The following ZNF506 variants were observed in gnomAD, a reference collection of about 807,000 sequenced individuals.
ZNF506 encodes zinc finger protein 506.
A neutral mutation model predicts 11.6 loss-of-function variants in ZNF506; 10 were observed. The ratio of observed to expected loss-of-function variants is 0.86; its 90% confidence interval spans 0.53 to 1.46. ZNF506 has a LOEUF of 1.46. Among genes scored for constraint, ZNF506 ranks in the 40% most tolerant of loss-of-function variants. The pLI, the probability that ZNF506 is intolerant of heterozygous loss-of-function variation, is 0.00. For missense variants in ZNF506, 425 were observed against 521.2 expected (o/e 0.82, Z 1.80); for synonymous variants, 156 against 173.3 (o/e 0.90, Z 0.78).
In ZNF506 at chr19:19,800,391, A is replaced by AATATATAT. The variant is rs3062863; in HGVS notation, c.227-4739_227-4732dup. Among the ~76,000 whole-genome samples the AATATATAT allele has an allele frequency of 2.1e-4, 29 of 139,238 alleles. 1 individual carries two copies. Among genetic ancestry groups the AATATATAT allele is most frequent in the Admixed American group, 8.1e-4 (11 of 13,630 alleles). 91.3% of individuals were successfully genotyped at this position (139,238 alleles called of 152,430 possible). Reference sequence around the variant, plus strand: ...CAACATAATTAATATAACTAAACAGAATATATATATATATATATATATTTA... The same window carrying AATATATAT: ...CAACATAATTAATATAACTAAACAGAATATATATATATATATATATATATATATATTTA... On this transcript the variant is annotated intron_variant, in intron 3 of 3. Coordinates refer to ENST00000540806, the MANE Select transcript of ZNF506 (RefSeq NM_001099269.3).
chr19:19,812,388 A>AT (rs1334264865), intron 1 of ZNF506, among the ~76,000 whole-genome samples: 3 of 152,262 alleles, frequency 2.0e-5, no homozygotes, highest in African/African-American at 7.2e-5. Flanking sequence ...CACAACCTGG[A>AT]TCACCCATTC....
chr19:19,810,898 G>A (rs997645604), intron 1 of ZNF506, among the ~76,000 whole-genome samples: 10 of 151,942 alleles, frequency 6.6e-5, no homozygotes, highest in Non-Finnish European at 1.0e-4. Flanking sequence ...TCAGTTCTGT[G>A]AGGCAAGACT....
At chr19:19,821,169 G>T (rs1302913104) in intron 1 of ZNF506, among the ~76,000 whole-genome samples, 2 of 152,172 alleles carry the variant, frequency 1.3e-5, no homozygotes, top group East Asian at 3.9e-4. Context: ...AACGTGCTGG[G>T]ATTACAGGGG....
intron 1 of ZNF506, among the ~76,000 whole-genome samples, chr19:19,809,144 C>A (rs1050284861): frequency 1.3e-5 from 2 of 152,122 alleles, no homozygotes; most frequent in Non-Finnish European, 2.9e-5. Context: ...TCTTGAGTAT[C>A]CACATCTTTC....
At chr19:19,806,882 A>T (rs2062839472) in intron 2 of ZNF506, 60 bp downstream of exon 2, 1 of 1,559,132 alleles carries the variant, frequency 6.4e-7, no homozygotes, top group Non-Finnish European at 8.7e-7. Context: ...ACATTCTACA[A>T]AAAAGAGAAA....
In ZNF506 at chr19:19,813,814, A is replaced by G. The variant is rs145225369; in HGVS notation, c.4-6746T>C. Among the ~76,000 whole-genome samples, 8 of 152,084 alleles carry G rather than the reference A, an allele frequency of 5.3e-5. No individual in the cohort carries two copies. In the East Asian group the frequency reaches 1.4e-3, roughly 26 times the overall value. ...GCAAAATCTTGTCTCCACAGAAAATACAAAGAGAAAAACTGGCCAGGTGTG... is the reference window on the plus strand; with the variant it reads ...GCAAAATCTTGTCTCCACAGAAAATGCAAAGAGAAAAACTGGCCAGGTGTG... On this transcript the variant is annotated intron_variant, in intron 1 of 3. Coordinates refer to ENST00000540806, the MANE Select transcript of ZNF506 (RefSeq NM_001099269.3).
At position 19,795,046 on chromosome 19, in the gene ZNF506, C is replaced by T; in HGVS notation, c.841G>A (p.Gly281Arg). 6.2e-7 allele frequency: 1 copy of T among 1,613,690 alleles called. No individual in the cohort carries two copies. Among genetic ancestry groups the T allele is most frequent in the Non-Finnish European group, 8.5e-7 (1 of 1,179,910 alleles). Residue 281 changes from glycine to arginine, a missense_variant, in exon 4 of 4, where the codon GGA becomes AGA. Transcript: ENST00000540806. ...TTATCACACTTGTATGGTTTCTCTC[C>T]AGTATGAATTTTCTTATGTGAAAAA... ...TLFSHKKIHT[G>R]EKPYKCDKCG... is the part of the protein sequence containing the mutation.
intron 3 of ZNF506, among the ~76,000 whole-genome samples, chr19:19,800,390 G>GT (rs2062780043): frequency 3.1e-5 from 1 of 32,708 alleles, no homozygotes; most frequent in African/African-American, 9.4e-5. Context: ...TAACTAAACA[G>GT]AATATATATA....
At chr19:19,814,100 C>T (rs2062907585) in intron 1 of ZNF506, among the ~76,000 whole-genome samples, 1 of 151,876 alleles carries the variant, frequency 6.6e-6, no homozygotes, top group Admixed American at 6.6e-5. Flanking sequence ...AAGCTGGAGA[C>T]CATTATTCTT....
chr19:19,801,463 C>T (rs1353005818), intron 3 of ZNF506, among the ~76,000 whole-genome samples: 2 of 151,222 alleles, frequency 1.3e-5, no homozygotes, highest in Non-Finnish European at 2.9e-5. Context: ...CCACTGCACT[C>T]CAACATGGGC....
At position 19,800,391 on chromosome 19, in the gene ZNF506, A is replaced by AATATATATATATATTTATAT. The variant is rs1555771286; in HGVS notation, c.227-4732_227-4731insATATAAATATATATATATAT. Among the ~76,000 whole-genome samples, 32 of 139,238 alleles carry AATATATATATATATTTATAT rather than the reference A, an allele frequency of 2.3e-4. No homozygotes were observed. In the South Asian group the frequency reaches 4.5e-3, roughly 19 times the overall value. The allele number at this position is 139,238 out of a possible 152,430, so 91.3% of individuals were successfully genotyped here. ...CAACATAATTAATATAACTAAACAG[A>AATATATATATATATTTATAT]ATATATATATATATATATATATTTA... On this transcript the variant is annotated intron_variant, in intron 3 of 3. Transcript: ENST00000540806.
intron 1 of ZNF506, among the ~76,000 whole-genome samples, chr19:19,809,381 G>T (rs1406297474): frequency 6.6e-6 from 1 of 152,154 alleles, no homozygotes; most frequent in Non-Finnish European, 1.5e-5. Context: ...GTAAAGTTTT[G>T]TAAGTACTAA....
Position 19,794,811 on chromosome 19 carries a change from T to A in ZNF506, c.1076A>T (p.His359Leu). 6.2e-7 allele frequency: 1 copy of A among 1,614,084 alleles called. No individual in the cohort carries two copies. The change falls in exon 4 of 4, where the codon CAT becomes CTT. Residue 359 changes from histidine (H) to leucine (L), a missense_variant. By Grantham distance (99) the His-to-Leu change is moderately conservative. This residue lies in a region of ZNF506 where 192 missense variants were observed against 215.7 expected (regional missense o/e 0.89). Transcript: ENST00000540806. ...TFTWYSSLSK[H>L]KRAHTGEKPY... ...TTTCTCTCCAGTATGAGCTCTCTTA[T>A]GTTTAGAGAGGCTTGAGTACCAGGT...
At position 19,795,404 on chromosome 19, in the gene ZNF506, G is replaced by A; in HGVS notation, c.483C>T (p.Asn161=). 1 of 1,593,362 alleles carries A rather than the reference G, an allele frequency of 6.3e-7. No homozygotes were observed. The highest frequency in any genetic ancestry group is 8.5e-7 in the Non-Finnish European group (1 of 1,173,340). The change falls in exon 4 of 4, where the codon AAC becomes AAT. Residue 161 remains asparagine (N), a synonymous_variant. Coordinates refer to ENST00000540806, the MANE Select transcript of ZNF506 (RefSeq NM_001099269.3). ...TTCCAGTATCTCTTATCTTATGTTTGTTTGAATTTGAAAATTTATGCAAGA... is the reference window on the plus strand; with the variant it reads ...TTCCAGTATCTCTTATCTTATGTTTATTTGAATTTGAAAATTTATGCAAGA... ...VKFLHKFSNS[N]KHKIRDTGKK...
chr19:19,795,682 CAT>C (rs2062735051), intron 3 of ZNF506, 22 bp from the exon 4 acceptor site: 1 of 1,482,026 alleles, frequency 6.7e-7, no homozygotes, highest in African/African-American at 1.4e-5. Context: ...AATAAAAACA[CAT>C]GACTTCAATT....
intron 3 of ZNF506, among the ~76,000 whole-genome samples, chr19:19,800,779 TC>T (rs1216772233): frequency 6.6e-6 from 1 of 152,028 alleles, no homozygotes; most frequent in Non-Finnish European, 1.5e-5. Flanking sequence ...GTTATGTGTT[TC>T]CCCCACACAA....
intron 1 of ZNF506, among the ~76,000 whole-genome samples, chr19:19,816,574 G>A (rs1463026550): frequency 3.3e-5 from 5 of 152,088 alleles, no homozygotes; most frequent in South Asian, 2.1e-4. Flanking sequence ...TAGCCAGGAT[G>A]GTCTCGATCT....
intron 1 of ZNF506, among the ~76,000 whole-genome samples, chr19:19,808,351 C>T (rs1314286404): frequency 6.7e-6 from 1 of 149,328 alleles, no homozygotes; most frequent in Non-Finnish European, 1.5e-5. Flanking sequence ...TCTCGATTTC[C>T]TGACCTCGTG....
At position 19,819,135 on chromosome 19, in the gene ZNF506, G is replaced by A. The variant is rs559259461; in HGVS notation, c.3+2466C>T. Among the ~76,000 whole-genome samples, 3 of 152,278 alleles carry A rather than the reference G, an allele frequency of 2.0e-5. No homozygotes were observed. In the East Asian group the frequency reaches 5.8e-4, roughly 29 times the overall value. On this transcript the variant is annotated intron_variant, in intron 1 of 3. Coordinates refer to ENST00000540806, the MANE Select transcript of ZNF506 (RefSeq NM_001099269.3). Reference sequence around the variant, plus strand: ...GAGACACCGCGCCATGCCCCAGTGAGTGCCCCACGTGCATTTTACTTTGTT... The same window carrying A: ...GAGACACCGCGCCATGCCCCAGTGAATGCCCCACGTGCATTTTACTTTGTT...
Sources: allele counts gnomAD v4.1 joint callset (sites outside exome capture counted in the v4.1 genomes callset), GRCh38; gene constraint gnomAD v4.1.1; regional missense constraint gnomAD v4.1.1; transcripts MANE v1.5; gene names NCBI Gene and HGNC (gene_info 2026-07-23, HGNC 2026-07-21).